Variants in SLC17A6 observed in about 807,000 individuals in gnomAD.
The protein encoded by SLC17A6 is vesicular glutamate transporter 2.
In SLC17A6, 35 loss-of-function variants were observed where a neutral mutation model predicts 67.1. The ratio of observed to expected loss-of-function variants is 0.52; its 90% CI spans 0.40 to 0.69. The LOEUF is 0.69. Ranked by LOEUF, SLC17A6 falls within the 30% of genes least tolerant of loss-of-function variation. The pLI is 0.00. For missense variants in SLC17A6, 588 were observed against 723.9 expected (o/e 0.81, Z 2.15); for synonymous variants, 285 against 252.3 (o/e 1.13, Z -1.23).
intron 11 of SLC17A6, 37 bp from the exon 12 acceptor site, chr11:22,377,368 G>A (rs1393979579): frequency 1.3e-6 from 2 of 1,532,626 alleles, no homozygotes; most frequent in East Asian, 2.3e-5. Context: ...AAATCATGGG[G>A]AGTCAGTTCT....
At chr11:22,341,035 T>C (rs1390911588) in intron 1 of SLC17A6, among the ~76,000 whole-genome samples, 1 of 152,188 alleles carries the variant, frequency 6.6e-6, no homozygotes, top group East Asian at 1.9e-4. Context: ...AAAGGCTCTC[T>C]AGTTGGGCCC....
chr11:22,363,522 T>C (rs1856075655), intron 6 of SLC17A6, among the ~76,000 whole-genome samples: 1 of 152,190 alleles, frequency 6.6e-6, no homozygotes, highest in Admixed American at 6.5e-5. Context: ...TTGTCACTGA[T>C]TAATATCATC....
intron 1 of SLC17A6, 139 bp from the exon 2 acceptor site, chr11:22,341,389 C>A: frequency 7.8e-7 from 1 of 1,287,638 alleles, no homozygotes; most frequent in Non-Finnish European, 1.1e-6. Context: ...GGTGTCACCC[C>A]ACCACCCTAA....
chr11:22,362,632 T>C (rs1431120264), intron 5 of SLC17A6, 107 bp from the exon 6 acceptor site: 2 of 859,722 alleles, frequency 2.3e-6, no homozygotes, highest in East Asian at 5.1e-5. Flanking sequence ...GAGGCCCATG[T>C]ACCTGAGTGT....
chr11:22,338,608 C>T lies in SLC17A6; in HGVS notation c.75C>T (p.Gly25=). The change falls in exon 1 of 12, where the codon GGC becomes GGT. Residue 25 remains glycine, a synonymous_variant. Transcript: ENST00000263160. ...GLKNFAGKSL[G]QIYRVLEKKQ... ...AGAATTTTGCTGGAAAATCACTCGG[C>T]CAGATCTACAGGTAAGACAAAGCGA... 6.2e-7 allele frequency: 1 copy of T among 1,612,630 alleles called. No individual in the cohort carries two copies. The highest frequency in any genetic ancestry group is 8.5e-7 in the Non-Finnish European group (1 of 1,179,056).
intron 5 of SLC17A6, chr11:22,362,302 A>C: frequency 2.7e-6 from 1 of 374,432 alleles, no homozygotes; most frequent in South Asian, 2.6e-5. Context: ...CTGGCAGAGA[A>C]AAACAATTAA....
Position 22,338,606 on chromosome 11 carries a change from G to A in SLC17A6, c.73G>A (p.Gly25Ser). 1 of 1,612,752 alleles carries A rather than the reference G, an allele frequency of 6.2e-7. No individual in the cohort carries two copies. Among genetic ancestry groups the A allele is most frequent in the Non-Finnish European group, 8.5e-7 (1 of 1,179,226 alleles). The part of the protein sequence containing the change: ...GLKNFAGKSL[G>S]QIYRVLEKKQ... ...AAAGAATTTTGCTGGAAAATCACTC[G>A]GCCAGATCTACAGGTAAGACAAAGC... Residue 25 changes from glycine to serine, a missense_variant, in exon 1 of 12, where the codon GGC (glycine) becomes AGC (serine). Transcript: ENST00000263160.
intron 3 of SLC17A6, among the ~76,000 whole-genome samples, chr11:22,348,898 G>C (rs1380781938): frequency 6.6e-6 from 1 of 152,178 alleles, no homozygotes; most frequent in Non-Finnish European, 1.5e-5. Flanking sequence ...ATCTTCATGT[G>C]TTAAGCCCAG....
chr11:22,361,190 TC>T (rs1235768828), intron 5 of SLC17A6: 2 of 475,068 alleles, frequency 4.2e-6, no homozygotes, highest in African/African-American at 3.9e-5. Flanking sequence ...TTTGTATTTT[TC>T]TAGGAATTGA....
At chr11:22,354,783 T>A (rs1158214266) in intron 3 of SLC17A6, among the ~76,000 whole-genome samples, 2 of 152,236 alleles carry the variant, frequency 1.3e-5, no homozygotes, top group Non-Finnish European at 1.5e-5. Context: ...CACTCGGACA[T>A]GGTTACACCG....
intron 1 of SLC17A6, 38 bp downstream of exon 1, chr11:22,338,657 C>T (rs752012660): frequency 1.3e-6 from 2 of 1,493,374 alleles, no homozygotes; most frequent in Non-Finnish European, 1.9e-6. Flanking sequence ...TGGGGCTCAG[C>T]ATGAAAAAAT....
At position 22,363,227 on chromosome 11, in the gene SLC17A6, T is replaced by C. The variant is rs765696679; in HGVS notation, c.748+402T>C. On this transcript the variant is annotated intron_variant, in intron 6 of 11. Transcript: ENST00000263160. ...TCAAGATTGAATGGGGGTGGAAAGC[T>C]GAAAGGGGGGGTGGAAAGCTGAAAG... 5.2e-4 allele frequency among the ~76,000 whole-genome samples: 54 copies of C among 104,386 alleles called. 1 individual carries two copies. Among genetic ancestry groups the C allele is most frequent in the Non-Finnish European group, 9.5e-5 (5 of 52,506 alleles). The allele number at this position is 104,386 out of a possible 152,430, so 68.5% of individuals were successfully genotyped here. A position where few individuals can be genotyped will look rare whatever the true frequency, so the allele number is the denominator to read the frequency against.
Position 22,338,565 on chromosome 11 carries a change from C to T in SLC17A6, c.32C>T (p.Pro11Leu). The T allele has an allele frequency of 6.2e-7, 1 of 1,613,634 alleles. No homozygotes were observed. Among genetic ancestry groups the T allele is most frequent in the Admixed American group, 1.7e-5 (1 of 59,970 alleles). Residue 11 changes from proline (P) to leucine (L), a missense_variant, in exon 1 of 12, where the codon CCA becomes CTA. Transcript: ENST00000263160. MESVKQRILAPGKEGLKNFAG... is the reference protein window; with the variant it reads MESVKQRILALGKEGLKNFAG... ...TCCGTAAAACAAAGGATTTTGGCCC[C>T]AGGAAAAGAGGGGCTAAAGAATTTT...
intron 1 of SLC17A6, among the ~76,000 whole-genome samples, chr11:22,339,051 G>C (rs545334138): frequency 7.5e-6 from 1 of 133,846 alleles, no homozygotes; most frequent in African/African-American, 2.8e-5. Flanking sequence ...AAATTCCAAA[G>C]AGTAATGGTT....
At chr11:22,359,556 A>G (rs1268952085) in intron 4 of SLC17A6, 29 bp downstream of exon 4, 16 of 1,443,880 alleles carry the variant, frequency 1.1e-5, no homozygotes, top group African/African-American at 2.9e-5. Context: ...AAGCCTTTTT[A>G]AGATTGGCAT....
intron 10 of SLC17A6, among the ~76,000 whole-genome samples, 178 bp downstream of exon 10, chr11:22,376,270 T>A (rs1379277150): frequency 1.3e-5 from 2 of 152,176 alleles, no homozygotes; most frequent in Non-Finnish European, 2.9e-5. Context: ...CATTTAGATT[T>A]GTTAATACTC....
At chr11:22,357,925 T>G (rs1856008961) in intron 3 of SLC17A6, among the ~76,000 whole-genome samples, 1 of 152,206 alleles carries the variant, frequency 6.6e-6, no homozygotes, top group Admixed American at 6.5e-5. Flanking sequence ...GAGAAGCCAC[T>G]AAGGGAAGGC....
chr11:22,352,753 T>A (rs1855955417), intron 3 of SLC17A6, among the ~76,000 whole-genome samples: 1 of 152,068 alleles, frequency 6.6e-6, no homozygotes, highest in Non-Finnish European at 1.5e-5. Context: ...AGAGGTGTGT[T>A]TTTGAGGGTG....
At chr11:22,348,392 T>A (rs1420542448) in intron 3 of SLC17A6, among the ~76,000 whole-genome samples, 1 of 152,032 alleles carries the variant, frequency 6.6e-6, no homozygotes, top group Non-Finnish European at 1.5e-5. Flanking sequence ...TCATACTGAA[T>A]TTTTTGTGTG....
Sources: gnomAD v4.1 joint callset for allele counts (sites outside exome capture counted in the v4.1 genomes callset) on GRCh38, gnomAD v4.1.1 for gene constraint, MANE v1.5 for transcripts, NCBI Gene and HGNC (gene_info 2026-07-23, HGNC 2026-07-21) for gene names.